The following TFAM variants were observed in gnomAD, a reference collection of about 807,000 sequenced individuals.
TFAM encodes mitochondrial transcription factor 1.
Under a neutral mutation model 30.6 loss-of-function variants are expected in TFAM, and 13 were observed. The observed-to-expected ratio is 0.42, with a 90% CI of 0.28 to 0.67. The LOEUF is 0.67. Among genes scored for constraint, TFAM ranks in the 30% least tolerant of loss-of-function variants. The pLI is 0.21. For synonymous variants in TFAM, 106 were observed against 94.8 expected, an observed-to-expected ratio of 1.12 and a Z score of -0.69; for missense variants, 231 against 293.7, an observed-to-expected ratio of 0.79 and a Z score of 1.56.
chr10:58,390,240 AG>A (rs1840566013), intron 4 of TFAM, among the ~76,000 whole-genome samples: 1 of 152,246 alleles, frequency 6.6e-6, no homozygotes. Context: ...TTAAACTGAT[AG>A]TAAGGGATAC....
Position 58,385,471 on chromosome 10 carries a change from T to C in TFAM, c.-77T>C, listed in dbSNP as rs1840465017. ...CCGGAGGGTCGCACGCGGGTTCCAGTTGTGATTGCTGGAGTTGTGTATTGC... is the reference window on the plus strand; with the variant it reads ...CCGGAGGGTCGCACGCGGGTTCCAGCTGTGATTGCTGGAGTTGTGTATTGC... On this transcript the variant is annotated 5_prime_UTR_variant, in exon 1 of 7. Coordinates refer to ENST00000487519, the MANE Select transcript of TFAM (RefSeq NM_003201.3). The C allele has an allele frequency of 3.5e-6, 4 of 1,129,196 alleles. No individual in the cohort carries two copies. The highest frequency in any genetic ancestry group is 2.0e-5 in the Admixed American group (1 of 50,462). 69.9% of individuals were successfully genotyped at this position (1,129,196 alleles called of 1,614,324 possible).
intron 3 of TFAM, 54 bp from the exon 4 acceptor site, chr10:58,388,616 A>G (rs539878663): frequency 1.0e-4 from 164 of 1,595,294 alleles, no homozygotes; most frequent in Admixed American, 2.3e-4. Flanking sequence ...GGCATGTGCT[A>G]TGTTGAATTT....
Position 58,388,260 on chromosome 10 carries a change from A to C in TFAM, c.291A>C (p.Lys97Asn), listed in dbSNP as rs757317619. The change falls in exon 3 of 7, where the codon AAA becomes AAC. Residue 97 changes from lysine to asparagine, a missense_variant and splice_region_variant. Coordinates refer to ENST00000487519, the MANE Select transcript of TFAM (RefSeq NM_003201.3). ...GGGAACTTCCTGATTCAAAGAAAAA[A>C]GTAAGCACATAAGTTTTCAACATTG... The part of the protein sequence containing the change: ...RWRELPDSKK[K>N]IYQDAYRAEW... 6.2e-7 allele frequency: 1 copy of C among 1,613,622 alleles called. No individual in the cohort carries two copies. The highest frequency in any genetic ancestry group is 8.5e-7 in the Non-Finnish European group (1 of 1,179,534).
chr10:58,389,281 C>T (rs1840548227), intron 4 of TFAM, among the ~76,000 whole-genome samples: 1 of 152,002 alleles, frequency 6.6e-6, no homozygotes, highest in African/African-American at 2.4e-5. Flanking sequence ...AATTAAGTGC[C>T]TTTAGGATGG....
rs557054190 is a variant in TFAM at position 58,388,963 on chromosome 10, T to C, written c.441+144T>C. The C allele has an allele frequency of 1.4e-4, 104 of 763,470 alleles. No individual in the cohort carries two copies. The African/African-American group carries it at 1.5e-3, about 11-fold the overall frequency. The allele number at this position is 763,470 out of a possible 1,614,324, so 47.3% of individuals were successfully genotyped here. A position where few individuals can be genotyped will look rare whatever the true frequency, so the allele number is the denominator to read the frequency against. On this transcript the variant is annotated intron_variant, in intron 4 of 6. Coordinates refer to ENST00000487519, the MANE Select transcript of TFAM (RefSeq NM_003201.3). ...CTTCAGTTAGGCAGAAGTGGGATAG[T>C]TCTCTTATGAAAAGTGAGATAGCCA...
intron 3 of TFAM, 65 bp from the exon 4 acceptor site, chr10:58,388,605 T>C (rs1385365158): frequency 1.3e-6 from 2 of 1,576,392 alleles, no homozygotes; most frequent in African/African-American, 1.3e-5. Context: ...TGCCTTTCCC[T>C]GGCATGTGCT....
Position 58,395,122 on chromosome 10 carries a change from G to A in TFAM, c.*48G>A. 6.3e-7 allele frequency: 1 copy of A among 1,591,864 alleles called. No homozygotes were observed. Among genetic ancestry groups the A allele is most frequent in the East Asian group, 2.2e-5 (1 of 44,490 alleles). On this transcript the variant is annotated 3_prime_UTR_variant, in exon 7 of 7. Transcript: ENST00000487519. ...CACAATGGATAGGCACAGGAAACCA[G>A]TTAGGTCTCAATACCTGAAGCTATC...
Position 58,385,486 on chromosome 10 carries a change from T to C in TFAM, c.-62T>C. 7.9e-7 allele frequency: 1 copy of C among 1,271,424 alleles called. No homozygotes were observed. Among genetic ancestry groups the C allele is most frequent in the Non-Finnish European group, 1.1e-6 (1 of 893,028 alleles). The allele number at this position is 1,271,424 out of a possible 1,614,324, so 78.8% of individuals were successfully genotyped here. A position where few individuals can be genotyped will look rare whatever the true frequency, so the allele number is the denominator to read the frequency against. On this transcript the variant is annotated 5_prime_UTR_variant, in exon 1 of 7. Coordinates refer to ENST00000487519, the MANE Select transcript of TFAM (RefSeq NM_003201.3). The stretch of plus-strand genomic sequence containing the variant: ...CGGGTTCCAGTTGTGATTGCTGGAG[T>C]TGTGTATTGCCAGGAGGCTCTCCGA...
rs926513539 is a variant in TFAM, at chr10:58,394,249, A to C, written c.538-109A>C. ...TAGAGAGAAAAGATGTTAAGAATTGATGAGGCTTTGCCTGTAATTCTTGGT... is the reference window on the plus strand; with the variant it reads ...TAGAGAGAAAAGATGTTAAGAATTGCTGAGGCTTTGCCTGTAATTCTTGGT... On this transcript the variant is annotated intron_variant, in intron 5 of 6. Coordinates refer to ENST00000487519, the MANE Select transcript of TFAM (RefSeq NM_003201.3). 10 of 817,246 alleles carry C rather than the reference A, an allele frequency of 1.2e-5. No homozygotes were observed. In the East Asian group the frequency reaches 2.4e-4, roughly 20 times the overall value. 50.6% of individuals were successfully genotyped at this position (817,246 alleles called of 1,614,324 possible).
intron 5 of TFAM, among the ~76,000 whole-genome samples, chr10:58,393,006 G>A (rs375682993): frequency 2.5e-4 from 37 of 150,782 alleles, no homozygotes; most frequent in African/African-American, 8.0e-4. Flanking sequence ...TTGAGTCGGA[G>A]TCTCACTCTG....
At position 58,388,263 on chromosome 10, in the gene TFAM, A is replaced by G; in HGVS notation, c.291+3A>G. ...AACTTCCTGATTCAAAGAAAAAAGT[A>G]AGCACATAAGTTTTCAACATTGCTG... On this transcript the variant is annotated splice_donor_region_variant and intron_variant, in intron 3 of 6. Transcript: ENST00000487519. The G allele has an allele frequency of 3.7e-6, 6 of 1,613,214 alleles. No homozygotes were observed. The South Asian group carries it at 4.4e-5, about 12-fold the overall frequency.
At chr10:58,388,131 G>T (rs1484582448) in intron 2 of TFAM, 59 bp from the exon 3 acceptor site, 1 of 1,356,854 alleles carries the variant, frequency 7.4e-7, no homozygotes, top group Non-Finnish European at 1.1e-6. Flanking sequence ...GATATCTTTA[G>T]AAATTAATCC....
At chr10:58,389,106 A>C (rs1453276696) in intron 4 of TFAM, among the ~76,000 whole-genome samples, 1 of 152,204 alleles carries the variant, frequency 6.6e-6, no homozygotes, top group Non-Finnish European at 1.5e-5. Flanking sequence ...CAGAGTTATG[A>C]AACAGTCAAA....
intron 2 of TFAM, among the ~76,000 whole-genome samples, chr10:58,387,837 G>A (rs370727880): frequency 1.6e-4 from 24 of 152,100 alleles, no homozygotes; most frequent in African/African-American, 5.8e-4. Flanking sequence ...GGCTGAGGCA[G>A]GAGAATCACT....
chr10:58,388,565 A>G, intron 3 of TFAM, 105 bp from the exon 4 acceptor site: 2 of 1,246,422 alleles, frequency 1.6e-6, no homozygotes, highest in South Asian at 2.4e-5. Flanking sequence ...CCACCTGGTG[A>G]TAAAATCTGT....
chr10:58,391,676 T>A (rs1313049866), intron 5 of TFAM, among the ~76,000 whole-genome samples: 3 of 151,982 alleles, frequency 2.0e-5, no homozygotes, highest in Non-Finnish European at 4.4e-5. Flanking sequence ...ATGTTTCGAT[T>A]CCCCTACCTC....
rs149704158 is a variant in TFAM at position 58,388,700 on chromosome 10, C to G, written c.322C>G (p.Gln108Glu). Residue 108 changes from glutamine to glutamate, a missense_variant, in exon 4 of 7, where the codon CAG (glutamine) becomes GAG (glutamate). Coordinates refer to ENST00000487519, the MANE Select transcript of TFAM (RefSeq NM_003201.3). ...TCAAGATGCTTATAGGGCGGAGTGG[C>G]AGGTATATAAAGAAGAGATAAGCAG... ...IYQDAYRAEWQVYKEEISRFK... is the reference protein window; with the variant it reads ...IYQDAYRAEWEVYKEEISRFK... 4.3e-6 allele frequency: 7 copies of G among 1,613,146 alleles called. No homozygotes were observed. Among genetic ancestry groups the G allele is most frequent in the African/African-American group, 2.7e-5 (2 of 74,658 alleles).
In TFAM at chr10:58,397,725, A is replaced by G. The variant is rs573944077; in HGVS notation, c.*2651A>G. 1 of 150,532 alleles carries G rather than the reference A, an allele frequency of 6.6e-6. No homozygotes were observed. The highest frequency in any genetic ancestry group is 6.6e-5 in the Admixed American group (1 of 15,136). The allele number at this position is 150,532 out of a possible 1,614,324, so 9.3% of individuals were successfully genotyped here. A position where few individuals can be genotyped will look rare whatever the true frequency, so the allele number is the denominator to read the frequency against. On this transcript the variant is annotated 3_prime_UTR_variant, in exon 7 of 7. Transcript: ENST00000487519. ...ATAAAGAATAAGAACATCATAACCA[A>G]TGACCACTCATATAAAGTCTTATTT... is the stretch of plus-strand genomic sequence containing the variant.
rs3876 is a variant in TFAM, at chr10:58,396,031, C to T, written c.*957C>T. On this transcript the variant is annotated 3_prime_UTR_variant, in exon 7 of 7. Coordinates refer to ENST00000487519, the MANE Select transcript of TFAM (RefSeq NM_003201.3). ...CTGCCTGCTTTTTATGGCCTGTGAG[C>T]TAGGAATTGTGTTTATAATTTTAAA... 9,495 of 167,532 alleles carry T rather than the reference C, an allele frequency of 0.057. 372 individuals are homozygous for T. Among genetic ancestry groups the T allele is most frequent in the Middle Eastern group, 0.096 (38 of 396 alleles). 10.4% of individuals were successfully genotyped at this position (167,532 alleles called of 1,614,324 possible).
Sources: gnomAD v4.1 joint callset for allele counts (sites outside exome capture counted in the v4.1 genomes callset) on GRCh38, gnomAD v4.1.1 for gene constraint, MANE v1.5 for transcripts, NCBI Gene and HGNC (gene_info 2026-07-23, HGNC 2026-07-21) for gene names.